Variants in NBEAL2 observed in about 807,000 individuals in gnomAD.
NBEAL2 encodes the protein neurobeachin like 2.
Under a neutral mutation model 299.8 loss-of-function variants are expected in NBEAL2, and 160 were observed. The ratio of observed to expected loss-of-function variants is 0.53; its 90% CI spans 0.47 to 0.61. The LOEUF is 0.61. Among genes scored for constraint, NBEAL2 ranks in the 20% least tolerant of loss-of-function variants. The pLI is 0.00. For synonymous variants in NBEAL2, 1,493 were observed against 1,542.3 expected (o/e 0.97, Z 0.75); for missense variants, 3,112 against 3,649.0 (o/e 0.85, Z 3.79).
At chr3:46,992,636 G>T in intron 10 of NBEAL2, 81 bp downstream of exon 10, 1 of 1,329,964 alleles carries the variant, frequency 7.5e-7, no homozygotes, top group South Asian at 1.3e-5. Context: ...CTGGGGAAAT[G>T]AGCAGATGTG....
chr3:46,979,750 T>C lies in NBEAL2; in HGVS notation c.-112T>C. 3.1e-6 allele frequency: 1 copy of C among 326,728 alleles called. No homozygotes were observed. The highest frequency in any genetic ancestry group is 5.6e-6 in the Non-Finnish European group (1 of 179,640). 20.2% of individuals were successfully genotyped at this position (326,728 alleles called of 1,614,324 possible). ...GACTTCCCCAGTAGTACCGCGCCGC[T>C]CCGCCCCGGAGTGACGCCCTCCGCC... On this transcript the variant is annotated 5_prime_UTR_variant, in exon 1 of 54. Transcript: ENST00000450053.
Position 47,002,513 on chromosome 3 carries a change from C to T in NBEAL2, c.5294C>T (p.Ala1765Val), listed in dbSNP as rs751333401. ...TGGGAGCGCGCCCAGAGTCGTCGGG[C>T]CTTCCAGGTGTGCCACCCGGGGTAA... ...RQWERAQSRR[A>V]FQELVLEPAQ... Residue 1765 changes from alanine (A) to valine (V), a missense_variant, in exon 32 of 54, where the codon GCC becomes GTC. Coordinates refer to ENST00000450053, the MANE Select transcript of NBEAL2 (RefSeq NM_015175.3). The T allele has an allele frequency of 1.9e-6, 3 of 1,612,476 alleles. No individual in the cohort carries two copies. Among genetic ancestry groups the T allele is most frequent in the Non-Finnish European group, 2.5e-6 (3 of 1,179,656 alleles).
intron 20 of NBEAL2, 82 bp from the exon 21 acceptor site, chr3:46,997,985 G>A: frequency 6.9e-7 from 1 of 1,455,990 alleles, no homozygotes; most frequent in South Asian, 1.4e-5. Flanking sequence ...TCATGGCTGT[G>A]CAGGGAAGAG....
chr3:46,994,158 T>A (rs747697449), intron 11 of NBEAL2, 138 bp downstream of exon 11: 3 of 876,604 alleles, frequency 3.4e-6, no homozygotes, highest in Non-Finnish European at 5.3e-6. Flanking sequence ...GTGACTGCCC[T>A]GCCCTAAAGC....
chr3:46,990,767 G>A (rs1426794103), intron 6 of NBEAL2, among the ~76,000 whole-genome samples: 4 of 152,236 alleles, frequency 2.6e-5, no homozygotes, highest in Admixed American at 6.5e-5. Flanking sequence ...AGGCATGGGC[G>A]TGGGGGGAGG....
rs1471862326 is a variant in NBEAL2 at position 46,996,425 on chromosome 3, G to T, written c.2306G>T (p.Gly769Val). 1 of 1,609,672 alleles carries T rather than the reference G, an allele frequency of 6.2e-7. No homozygotes were observed. Among genetic ancestry groups the T allele is most frequent in the African/African-American group, 1.3e-5 (1 of 74,990 alleles). ...SVPASTGLGW[G>V]SGLVAPLQEG... Reference sequence around the variant, plus strand: ...CCAGCCTCCACAGGGCTTGGCTGGGGGTCCGGGCTGGTGGCCCCCCTGCAG... The same window carrying T: ...CCAGCCTCCACAGGGCTTGGCTGGGTGTCCGGGCTGGTGGCCCCCCTGCAG... The change falls in exon 16 of 54, where the codon GGG (glycine) becomes GTG (valine). Residue 769 changes from glycine to valine, a missense_variant. Gly to Val is a moderately radical substitution (Grantham distance 109). Transcript: ENST00000450053.
In NBEAL2 at chr3:46,982,436, C is replaced by T. The variant is rs1350756786; in HGVS notation, c.51+2524C>T. ...TTAAAGACCCCAGGTTTAGACCCAC[C>T]CACCCCCTCCCCCTGGGGGCCCGGC... On this transcript the variant is annotated intron_variant, in intron 1 of 53. Coordinates refer to ENST00000450053, the MANE Select transcript of NBEAL2 (RefSeq NM_015175.3). The surrounding 1 kb of genome is among the most constrained non-coding windows in gnomAD (Gnocchi z 4.2). 6.6e-6 allele frequency among the ~76,000 whole-genome samples: 1 copy of T among 152,086 alleles called. No homozygotes were observed. Among genetic ancestry groups the T allele is most frequent in the African/African-American group, 2.4e-5 (1 of 41,388 alleles).
rs758440367 is a variant in NBEAL2, at chr3:47,002,647, G to C, written c.5304G>C (p.Glu1768Asp). Residue 1768 changes from glutamate (E) to aspartate (D), a missense_variant and splice_region_variant, in exon 33 of 54, where the codon GAG (glutamate) becomes GAC (aspartate). Coordinates refer to ENST00000450053, the MANE Select transcript of NBEAL2 (RefSeq NM_015175.3). ...CTGACCTATTACCCCCACCCCAGGAGCTGGTGCTGGAACCTGCGCAGAGGC... is the reference window on the plus strand; with the variant it reads ...CTGACCTATTACCCCCACCCCAGGACCTGGTGCTGGAACCTGCGCAGAGGC... ...ERAQSRRAFQELVLEPAQRRA... is the reference protein window; with the variant it reads ...ERAQSRRAFQDLVLEPAQRRA... 1.2e-6 allele frequency: 2 copies of C among 1,609,408 alleles called. No individual in the cohort carries two copies. Among genetic ancestry groups the C allele is most frequent in the South Asian group, 2.2e-5 (2 of 90,558 alleles).
In NBEAL2 at chr3:46,988,510, C is replaced by T. The variant is rs1199323623; in HGVS notation, c.52-159C>T. 1.3e-5 allele frequency among the ~76,000 whole-genome samples: 2 copies of T among 151,782 alleles called. No individual in the cohort carries two copies. Among genetic ancestry groups the T allele is most frequent in the Non-Finnish European group, 2.9e-5 (2 of 67,938 alleles). ...GTCCTGCCCTCCCTCCCCCGTCCCC[C>T]ACTCCCCTTCTCCACACCCTCCACT... On this transcript the variant is annotated intron_variant, in intron 1 of 53. Transcript: ENST00000450053. The surrounding 1 kb of genome is among the most constrained non-coding windows in gnomAD (Gnocchi z 4.4).
intron 45 of NBEAL2, 35 bp downstream of exon 45, chr3:47,006,484 G>A (rs374324533): frequency 6.5e-7 from 1 of 1,538,426 alleles, no homozygotes; most frequent in African/African-American, 1.4e-5. Flanking sequence ...TTTATATTCT[G>A]TGAAATGGGT....
intron 1 of NBEAL2, among the ~76,000 whole-genome samples, chr3:46,985,604 G>T (rs1419313843): frequency 6.6e-6 from 1 of 152,212 alleles, no homozygotes; most frequent in African/African-American, 2.4e-5. Flanking sequence ...GGTCTCTGTG[G>T]TGGTGCACAT....
chr3:46,996,513 C>A lies in NBEAL2; in HGVS notation c.2394C>A (p.Ser798=). 6.4e-7 allele frequency: 1 copy of A among 1,569,352 alleles called. No individual in the cohort carries two copies. Among genetic ancestry groups the A allele is most frequent in the South Asian group, 1.2e-5 (1 of 85,896 alleles). ...ACACTCGGTGGGGCAGCCCCACATC[C>A]CTGGAGGGTGAGCTGGGGGCTGTGG... ...TQDTRWGSPT[S]LEGELGAVAI... is the part of the protein sequence containing the mutation. Residue 798 remains serine (S), a synonymous_variant, in exon 16 of 54, where the codon TCC becomes TCA. Coordinates refer to ENST00000450053, the MANE Select transcript of NBEAL2 (RefSeq NM_015175.3).
rs201105822 is a variant in NBEAL2, at chr3:46,998,069, C to T, written c.2961C>T (p.Val987=). 2.6e-6 allele frequency: 4 copies of T among 1,566,006 alleles called. No homozygotes were observed. The highest frequency in any genetic ancestry group is 2.7e-5 in the African/African-American group (2 of 73,766). ...PAIIGALLRK[V]PSWAMDMNVL... ...CTCCAGCTCCTGTCTTATCCCAGGTCCCAAGCTGGGCCATGGACATGAACG... is the reference window on the plus strand; with the variant it reads ...CTCCAGCTCCTGTCTTATCCCAGGTTCCAAGCTGGGCCATGGACATGAACG... Residue 987 remains valine, a splice_region_variant and synonymous_variant, in exon 21 of 54, where the codon GTC becomes GTT. Transcript: ENST00000450053.
chr3:46,985,064 G>A (rs1463131896), intron 1 of NBEAL2, among the ~76,000 whole-genome samples: 3 of 152,210 alleles, frequency 2.0e-5, no homozygotes, highest in African/African-American at 7.2e-5. Context: ...CACCAGACAG[G>A]AATGGGTCTT....
chr3:47,007,371 T>G, intron 47 of NBEAL2, 21 bp downstream of exon 47: 1 of 1,583,440 alleles, frequency 6.3e-7, no homozygotes, highest in Non-Finnish European at 8.6e-7. Flanking sequence ...GGGCTGTGGG[T>G]GGGGTGGGCT....
At chr3:46,992,706 T>C (rs998850920) in intron 10 of NBEAL2, among the ~76,000 whole-genome samples, 151 bp downstream of exon 10, 5 of 152,198 alleles carry the variant, frequency 3.3e-5, no homozygotes, top group African/African-American at 1.2e-4. Context: ...TCGCCTGCCT[T>C]CCAAGTCCCC....
chr3:46,999,298 C>T lies in NBEAL2; in HGVS notation c.3544-17C>T, dbSNP rs753970922. On this transcript the variant is annotated splice_polypyrimidine_tract_variant and intron_variant, in intron 24 of 53. Coordinates refer to ENST00000450053, the MANE Select transcript of NBEAL2 (RefSeq NM_015175.3). ...CTCCTTCCACATGATGACAGTCCTC[C>T]GATGACCCCCACACAGATCCTGCGC... The T allele has an allele frequency of 6.9e-6, 11 of 1,589,266 alleles. No individual in the cohort carries two copies. Among genetic ancestry groups the T allele is most frequent in the Admixed American group, 3.4e-5 (2 of 58,034 alleles).
Position 46,988,526 on chromosome 3 carries a change from A to T in NBEAL2, c.52-143A>T. The T allele has an allele frequency of 7.4e-6, 1 of 135,932 alleles. No homozygotes were observed. The highest frequency in any genetic ancestry group is 1.2e-4 in the South Asian group (1 of 8,308). The allele number at this position is 135,932 out of a possible 1,614,324, so 8.4% of individuals were successfully genotyped here. A position where few individuals can be genotyped will look rare whatever the true frequency, so the allele number is the denominator to read the frequency against. On this transcript the variant is annotated intron_variant, in intron 1 of 53. Transcript: ENST00000450053. The surrounding 1 kb of genome is among the most constrained non-coding windows in gnomAD (Gnocchi z 4.4). ...CCCGTCCCCCACTCCCCTTCTCCAC[A>T]CCCTCCACTCTGCCTTTAACCCCTT...
At position 47,002,279 on chromosome 3, in the gene NBEAL2, C is replaced by T. The variant is rs375888286; in HGVS notation, c.5142C>T (p.Ile1714=). 8.1e-5 allele frequency: 127 copies of T among 1,569,928 alleles called. No individual in the cohort carries two copies. The highest frequency in any genetic ancestry group is 1.1e-4 in the Admixed American group (6 of 54,952). ...CCACACCCGAATGGCGCCACTTCAT[C>T]GACAAACAGGTGCCTGGAGGTTGGG... ...FCATPEWRHF[I]DKQVQPTMSQ... The change falls in exon 31 of 54, where the codon ATC becomes ATT. Residue 1714 remains isoleucine, a synonymous_variant. Transcript: ENST00000450053.
Sources: gnomAD v4.1 joint callset for allele counts (sites outside exome capture counted in the v4.1 genomes callset) on GRCh38, gnomAD v4.1.1 for gene constraint, Gnocchi (gnomAD v3.1) non-coding constraint, MANE v1.5 for transcripts, NCBI Gene and HGNC (gene_info 2026-07-23, HGNC 2026-07-21) for gene names.